The following UHRF2 variants were observed in gnomAD, a reference collection of about 807,000 sequenced individuals.
UHRF2 encodes the protein ubiquitin like with PHD and ring finger domains 2.
UHRF2 carries 23 observed loss-of-function variants against 96.8 expected under a neutral mutation model. The observed-to-expected ratio is 0.24, with a 90% confidence interval of 0.17 to 0.34. UHRF2 has a LOEUF of 0.34. Among genes scored for constraint, UHRF2 ranks in the 10% least tolerant of loss-of-function variants. The pLI is 1.00. For missense variants in UHRF2, 685 were observed against 981.5 expected (o/e 0.70, Z 4.04); for synonymous variants, 385 against 332.6 (o/e 1.16, Z -1.72).
chr9:6,433,344 G>A (rs1259718568), intron 2 of UHRF2, among the ~76,000 whole-genome samples: 1 of 152,056 alleles, frequency 6.6e-6, no homozygotes, highest in African/African-American at 2.4e-5. Flanking sequence ...TCTTTGAGGT[G>A]GTAGATAAAT....
chr9:6,498,332 A>G, intron 12 of UHRF2, 174 bp downstream of exon 12: 2 of 651,398 alleles, frequency 3.1e-6, no homozygotes, highest in Non-Finnish European at 4.6e-6. Flanking sequence ...AGTATCCTAG[A>G]TGTCAGACTG....
intron 4 of UHRF2, chr9:6,468,237 G>A (rs566265830): frequency 3.4e-5 from 12 of 349,622 alleles, no homozygotes; most frequent in South Asian, 1.5e-4. Flanking sequence ...CATAAAGAGT[G>A]TCTTGATAAG....
At chr9:6,462,029 G>A (rs750275855) in intron 4 of UHRF2, among the ~76,000 whole-genome samples, 37 of 151,592 alleles carry the variant, frequency 2.4e-4, no homozygotes, top group Non-Finnish European at 3.8e-4. Context: ...ACAGCTAAAC[G>A]AATATTTGTG....
At chr9:6,479,932 A>G (rs760142422) in intron 6 of UHRF2, among the ~76,000 whole-genome samples, 1 of 152,078 alleles carries the variant, frequency 6.6e-6, no homozygotes, top group Non-Finnish European at 1.5e-5. Context: ...TCCATGTACT[A>G]TCCGTTCTCC....
chr9:6,422,917 A>C, intron 2 of UHRF2: 1 of 356,674 alleles, frequency 2.8e-6, no homozygotes, highest in Non-Finnish European at 5.0e-6. Context: ...GAGAAATGAA[A>C]TTGATTTATT....
At chr9:6,479,521 G>A (rs1823796607) in intron 6 of UHRF2, among the ~76,000 whole-genome samples, 1 of 152,012 alleles carries the variant, frequency 6.6e-6, no homozygotes, top group Non-Finnish European at 1.5e-5. Context: ...AGGGAACTAT[G>A]CTTGTTCCCT....
intron 10 of UHRF2, chr9:6,495,368 TATAC>T (rs371683838): frequency 6.6e-6 from 1 of 152,346 alleles, no homozygotes; most frequent in African/African-American, 2.4e-5. Context: ...CTGGTCAGTT[TATAC>T]GTTAAGTTGT....
chr9:6,469,268 C>G (rs1238996695), intron 4 of UHRF2, among the ~76,000 whole-genome samples: 1 of 152,052 alleles, frequency 6.6e-6, no homozygotes, highest in African/African-American at 2.4e-5. Flanking sequence ...GCCTATAATC[C>G]CAGCACTTTG....
At chr9:6,442,884 G>C (rs1192064959) in intron 3 of UHRF2, among the ~76,000 whole-genome samples, 1 of 152,076 alleles carries the variant, frequency 6.6e-6, no homozygotes, top group African/African-American at 2.4e-5. Flanking sequence ...TTAAAACCAA[G>C]GATTTAACAT....
chr9:6,494,873 T>A (rs753935379), intron 10 of UHRF2: 6 of 152,166 alleles, frequency 3.9e-5, no homozygotes, highest in African/African-American at 1.2e-4. Context: ...TTACATAGAA[T>A]CTCTGTTTTT....
At chr9:6,492,832 CTTTTTTTTT>C (rs34371545) in intron 9 of UHRF2, 3 of 89,532 alleles carry the variant, frequency 3.4e-5, no homozygotes, top group Non-Finnish European at 4.4e-5. Flanking sequence ...GAGCTTTTGG[CTTTTTTTTT>C]TTTTTTTTTT....
Position 6,506,260 on chromosome 9 carries a change from T to C in UHRF2, c.*81T>C. On this transcript the variant is annotated 3_prime_UTR_variant, in exon 16 of 16. Transcript: ENST00000276893. ...AAATGGGTGGGGAGGGTGGAAGAAA[T>C]GGTGGACTGTATCTCTCACGTTCTG... is the stretch of plus-strand genomic sequence containing the variant. 6.4e-7 allele frequency: 1 copy of C among 1,551,094 alleles called. No homozygotes were observed. The highest frequency in any genetic ancestry group is 8.8e-7 in the Non-Finnish European group (1 of 1,139,462).
intron 6 of UHRF2, among the ~76,000 whole-genome samples, chr9:6,481,356 G>C (rs1044117898): frequency 6.6e-6 from 1 of 152,152 alleles, no homozygotes; most frequent in Non-Finnish European, 1.5e-5. Flanking sequence ...CTCAGGGTTA[G>C]TGATAAGTTT....
rs1171172143 is a variant in UHRF2, at chr9:6,428,533, C to CTTTTTTT, written c.385-5349_385-5343dup. On this transcript the variant is annotated intron_variant, in intron 2 of 15. Transcript: ENST00000276893. ...TGTAAATGGAACCATATTGCTTTTGCTTTTTTTTTTTTTTTTTTTTTTTTT... is the reference window on the plus strand; with the variant it reads ...TGTAAATGGAACCATATTGCTTTTGCTTTTTTTTTTTTTTTTTTTTTTTTTTTTTTTT... Among the ~76,000 whole-genome samples the CTTTTTTT allele has an allele frequency of 1.9e-3, 125 of 65,420 alleles. 19 individuals carry two copies. The highest frequency in any genetic ancestry group is 2.2e-3 in the Non-Finnish European group (83 of 37,888). The allele number at this position is 65,420 out of a possible 152,430, so 42.9% of individuals were successfully genotyped here. A position where few individuals can be genotyped will look rare whatever the true frequency, so the allele number is the denominator to read the frequency against.
At chr9:6,445,150 A>AAG (rs1821412443) in intron 3 of UHRF2, among the ~76,000 whole-genome samples, 1 of 151,054 alleles carries the variant, frequency 6.6e-6, no homozygotes, top group Non-Finnish European at 1.5e-5. Flanking sequence ...AAAAAAAAAA[A>AAG]AGATTTTGGT....
In UHRF2 at chr9:6,433,919, T is replaced by G; in HGVS notation, c.390T>G (p.Asn130Lys). ...TGATTTTAAACTTTTTTTAGGTAAA[T>G]GAATTGGTGGATGCCAGAGATGTCG... ...IDPGFGIYKVNELVDARDVGL... is the reference protein window; with the variant it reads ...IDPGFGIYKVKELVDARDVGL... Residue 130 changes from asparagine to lysine, a missense_variant, in exon 3 of 16, where the codon AAT (asparagine) becomes AAG (lysine). Asn to Lys is a moderately conservative substitution (Grantham distance 94). This residue lies in a region of UHRF2 where 391 missense variants were observed against 437.0 expected (regional missense o/e 0.89). Transcript: ENST00000276893. 1 of 1,599,894 alleles carries G rather than the reference T, an allele frequency of 6.3e-7. No homozygotes were observed. The highest frequency in any genetic ancestry group is 8.5e-7 in the Non-Finnish European group (1 of 1,169,956).
chr9:6,424,380 AAG>A (rs36091755), intron 2 of UHRF2, among the ~76,000 whole-genome samples: 101,685 of 151,960 alleles, frequency 0.67, 36,511 homozygotes, highest in South Asian at 0.82. Context: ...GGTCACAATT[AAG>A]AGAGAATTTT....
chr9:6,474,760 C>T (rs1261817142), intron 4 of UHRF2, among the ~76,000 whole-genome samples: 1 of 151,906 alleles, frequency 6.6e-6, no homozygotes. Context: ...AATCCACACC[C>T]GTAGTAGGAA....
At chr9:6,485,312 T>A (rs1824200961) in intron 8 of UHRF2, among the ~76,000 whole-genome samples, 1 of 152,140 alleles carries the variant, frequency 6.6e-6, no homozygotes, top group African/African-American at 2.4e-5. Flanking sequence ...ATTGCCTTAT[T>A]TTTTTGCATC....
Sources: gnomAD v4.1 joint callset for allele counts (sites outside exome capture counted in the v4.1 genomes callset) on GRCh38, gnomAD v4.1.1 for gene constraint, gnomAD v4.1.1 regional missense constraint, MANE v1.5 for transcripts, NCBI Gene and HGNC (gene_info 2026-07-23, HGNC 2026-07-21) for gene names.